The following NDST2 variants were observed in gnomAD, a reference collection of about 807,000 sequenced individuals.
NDST2 encodes the protein N-deacetylase and N-sulfotransferase 2.
NDST2 carries 32 observed loss-of-function variants against 86.9 expected under a neutral mutation model. That is an observed-to-expected ratio of 0.37 (90% CI 0.28 to 0.49). NDST2 has a LOEUF of 0.49. NDST2 is among the 20% of genes least tolerant of loss of function. The pLI, the probability that NDST2 is intolerant of heterozygous loss-of-function variation, is 0.97. For synonymous variants in NDST2, 409 were observed against 437.0 expected (o/e 0.94, Z 0.80); for missense variants, 950 against 1,146.9 (o/e 0.83, Z 2.48).
intron 1 of NDST2, among the ~76,000 whole-genome samples, chr10:73,811,231 C>G (rs2132886832): frequency 6.6e-6 from 1 of 152,204 alleles, no homozygotes; most frequent in African/African-American, 2.4e-5. Flanking sequence ...GCGGCGGCGA[C>G]TCCGGGGTGA....
At chr10:73,804,894 T>G (rs748005512) in intron 8 of NDST2, 25 bp from the exon 9 acceptor site, 9 of 1,412,066 alleles carry the variant, frequency 6.4e-6, no homozygotes, top group Non-Finnish European at 7.8e-6. Context: ...AATAATCAGA[T>G]AAGGCCTATT....
Position 73,808,405 on chromosome 10 carries a change from G to T in NDST2, c.-17C>A. The T allele has an allele frequency of 6.4e-7, 1 of 1,573,480 alleles. No homozygotes were observed. Among genetic ancestry groups the T allele is most frequent in the East Asian group, 2.3e-5 (1 of 43,282 alleles). On this transcript the variant is annotated 5_prime_UTR_variant, in exon 3 of 15. Coordinates refer to ENST00000309979, the MANE Select transcript of NDST2 (RefSeq NM_003635.4). The surrounding 1 kb of genome is among the most constrained non-coding windows in gnomAD (Gnocchi z 4.3). The stretch of plus-strand genomic sequence containing the variant: ...CTGGAGCATGGCGGGGGGAGGAAGG[G>T]AGGGAGGAATGGGGACCACCTCAGG...
At position 73,802,453 on chromosome 10, in the gene NDST2, A is replaced by T. The variant is rs376996752; in HGVS notation, c.2650T>A (p.Ter884ArgextTer27). 1.2e-5 allele frequency: 20 copies of T among 1,612,560 alleles called. No homozygotes were observed. In the African/African-American group the frequency reaches 2.4e-4, roughly 19 times the overall value. Residue 884 changes from the stop codon to arginine, a stop_lost, in exon 15 of 15, where the codon TGA becomes AGA. Transcript: ENST00000309979. ...TGCTGGTATGGGAGGCTGGGACATC[A>T]GCCCAGACTGGAATGCTGCAGTTCT... The part of the protein sequence containing the change: ...REELQHSSLG[*>R]
rs2083996502 is a variant in NDST2 at position 73,802,249 on chromosome 10, T to C, written c.*202A>G. 2 of 618,974 alleles carry C rather than the reference T, an allele frequency of 3.2e-6. No homozygotes were observed. The highest frequency in any genetic ancestry group is 2.8e-6 in the Non-Finnish European group (1 of 354,686). The allele number at this position is 618,974 out of a possible 1,614,324, so 38.3% of individuals were successfully genotyped here. A position where few individuals can be genotyped will look rare whatever the true frequency, so the allele number is the denominator to read the frequency against. ...GGGTCAAAGGTACCTAGCACTATTA[T>C]GTGGGGTACCAAAGGAAGCCCCTTT... On this transcript the variant is annotated 3_prime_UTR_variant, in exon 15 of 15. Transcript: ENST00000309979.
intron 11 of NDST2, 59 bp from the exon 12 acceptor site, chr10:73,803,418 C>CGCTT (rs1386172816): frequency 1.3e-6 from 2 of 1,599,616 alleles, no homozygotes; most frequent in African/African-American, 2.7e-5. Flanking sequence ...TCTGCCCTTA[C>CGCTT]GCTTGGTCTG....
intron 7 of NDST2, 52 bp from the exon 8 acceptor site, chr10:73,805,821 T>TA (rs769090071): frequency 1.2e-6 from 2 of 1,613,210 alleles, no homozygotes. Context: ...CACCTCTGAA[T>TA]TAGCCTTGGT....
Position 73,806,306 on chromosome 10 carries a change from T to G in NDST2, c.1417A>C (p.Ile473Leu). The G allele has an allele frequency of 6.2e-7, 1 of 1,613,954 alleles. No homozygotes were observed. Among genetic ancestry groups the G allele is most frequent in the Non-Finnish European group, 8.5e-7 (1 of 1,179,978 alleles). ...TCCCTCACCATAATGCCATTGTGAA[T>G]GAAGCCACGGCGGTAGCGGGCAGGG... ...LRPARYRRGF[I>L]HNGIMVLPRQ... Residue 473 changes from isoleucine (I) to leucine (L), a missense_variant, in exon 6 of 15, where the codon ATT becomes CTT. Ile to Leu is a conservative substitution (Grantham distance 5). Transcript: ENST00000309979. The surrounding 1 kb of genome is among the most constrained non-coding windows in gnomAD (Gnocchi z 4.5).
At chr10:73,810,270 C>T (rs2084172827) in intron 2 of NDST2, among the ~76,000 whole-genome samples, 1 of 152,042 alleles carries the variant, frequency 6.6e-6, no homozygotes, top group South Asian at 2.1e-4. Flanking sequence ...CCAGCCTGGC[C>T]AACATGGTGA....
intron 9 of NDST2, 61 bp downstream of exon 9, chr10:73,804,712 T>C: frequency 2.0e-6 from 2 of 1,011,994 alleles, no homozygotes; most frequent in Non-Finnish European, 1.5e-6. Context: ...AGAGAGTTCC[T>C]TGACAAAAGG....
intron 10 of NDST2, 68 bp from the exon 11 acceptor site, chr10:73,803,816 T>C: frequency 6.2e-7 from 1 of 1,613,638 alleles, no homozygotes; most frequent in South Asian, 1.1e-5. Context: ...AAGTCTGTGC[T>C]GAGGGAAGCT....
At position 73,804,026 on chromosome 10, in the gene NDST2, A is replaced by G. The variant is rs2084056309; in HGVS notation, c.1844-10T>C. On this transcript the variant is annotated splice_polypyrimidine_tract_variant and intron_variant, in intron 9 of 14. Transcript: ENST00000309979. ...TGAATAGCTGTAGTCCCTAAATGGG[A>G]GAGAAAGACCAGCTTCAGGCAGCCA... 2 of 1,612,384 alleles carry G rather than the reference A, an allele frequency of 1.2e-6. No individual in the cohort carries two copies. Among genetic ancestry groups the G allele is most frequent in the Non-Finnish European group, 8.5e-7 (1 of 1,179,168 alleles).
In NDST2 at chr10:73,805,596, G is replaced by A. The variant is rs766157004; in HGVS notation, c.1737C>T (p.Pro579=). ...TGAGCTCCACCTTTACCTGCCAAAGGGGGCTTCGCTCCTGAGGGAAAAGTT... is the reference window on the plus strand; with the variant it reads ...TGAGCTCCACCTTTACCTGCCAAAGAGGGCTTCGCTCCTGAGGGAAAAGTT... ...YFELFPQERS[P]LWQNPCDDKR... The change falls in exon 8 of 15, where the codon CCC becomes CCT. Residue 579 remains proline, a synonymous_variant. Coordinates refer to ENST00000309979, the MANE Select transcript of NDST2 (RefSeq NM_003635.4). The A allele has an allele frequency of 1.9e-6, 3 of 1,614,058 alleles. No homozygotes were observed. The African/African-American group carries it at 4.0e-5, about 22-fold the overall frequency.
In NDST2 at chr10:73,805,471, G is replaced by A. The variant is rs983293198; in HGVS notation, c.1746+116C>T. ...GGAGGTTGCAATGAGCAGAGATTGT[G>A]CCATTGTACTCTAGCCTGGGTGACA... is the stretch of plus-strand genomic sequence containing the variant. On this transcript the variant is annotated intron_variant, in intron 8 of 14. Transcript: ENST00000309979. 3.1e-6 allele frequency: 3 copies of A among 978,312 alleles called. No homozygotes were observed. In the African/African-American group the frequency reaches 4.9e-5, roughly 16 times the overall value. The allele number at this position is 978,312 out of a possible 1,614,324, so 60.6% of individuals were successfully genotyped here. A position where few individuals can be genotyped will look rare whatever the true frequency, so the allele number is the denominator to read the frequency against.
At chr10:73,802,813 A>G (rs1565094785) in intron 13 of NDST2, 37 bp from the exon 14 acceptor site, 1 of 1,596,732 alleles carries the variant, frequency 6.3e-7, no homozygotes, top group South Asian at 1.1e-5. Flanking sequence ...TGGCAGGGAA[A>G]AGAGAAACTC....
At position 73,808,384 on chromosome 10, in the gene NDST2, A is replaced by G. The variant is rs1274818302; in HGVS notation, c.5T>C (p.Leu2Pro). Residue 2 changes from leucine to proline, a missense_variant, in exon 3 of 15, where the codon CTC becomes CCC. Physicochemically the swap from Leu to Pro is moderately conservative, Grantham distance 98. This residue lies in a region of NDST2 where 38 missense variants were observed against 42.5 expected (regional missense o/e 0.89). Coordinates refer to ENST00000309979, the MANE Select transcript of NDST2 (RefSeq NM_003635.4). This position sits in a 1 kb window ranked among gnomAD's most constrained non-coding sequence, Gnocchi z 4.3. M[L>P]QLWKVVRPAR... is the part of the protein sequence containing the mutation. The stretch of plus-strand genomic sequence containing the variant: ...TGGGCGTACCACCTTCCACAACTGG[A>G]GCATGGCGGGGGGAGGAAGGGAGGG... The G allele has an allele frequency of 1.1e-5, 18 of 1,590,514 alleles. No homozygotes were observed. In the Admixed American group the frequency reaches 2.8e-4, roughly 25 times the overall value.
At position 73,806,395 on chromosome 10, in the gene NDST2, T is replaced by C. The variant is rs760871161; in HGVS notation, c.1328A>G (p.Tyr443Cys). ...GCCCCACACGGATTTCCAGGCCTCA[T>C]AGAGCTGCGTGTGGATGGGGTACAC... ...SGVYPIHTQL[Y>C]EAWKSVWGIQ... Residue 443 changes from tyrosine to cysteine, a missense_variant, in exon 6 of 15, where the codon TAT (tyrosine) becomes TGT (cysteine). By Grantham distance (194) the Tyr-to-Cys change is radical (BLOSUM62 -2). Coordinates refer to ENST00000309979, the MANE Select transcript of NDST2 (RefSeq NM_003635.4). The surrounding 1 kb of genome is among the most constrained non-coding windows in gnomAD (Gnocchi z 4.5). 1.6e-5 allele frequency: 26 copies of C among 1,613,958 alleles called. No individual in the cohort carries two copies. The highest frequency in any genetic ancestry group is 1.9e-5 in the Non-Finnish European group (22 of 1,179,946).
intron 1 of NDST2, 119 bp from the exon 2 acceptor site, chr10:73,811,022 G>C (rs1013152938): frequency 2.3e-5 from 9 of 394,410 alleles, no homozygotes; most frequent in Non-Finnish European, 3.1e-5. Flanking sequence ...CTCTGAGGAC[G>C]GCGAAGCCAG....
chr10:73,805,741 T>C lies in NDST2; in HGVS notation c.1592A>G (p.Asn531Ser). 6.2e-7 allele frequency: 1 copy of C among 1,614,224 alleles called. No homozygotes were observed. The highest frequency in any genetic ancestry group is 8.5e-7 in the Non-Finnish European group (1 of 1,180,048). The change falls in exon 8 of 15, where the codon AAT (asparagine) becomes AGT (serine). Residue 531 changes from asparagine to serine, a missense_variant. Around this residue, in one of 5 missense-constraint regions of NDST2, gnomAD observed 586 missense variants for 714.0 expected, o/e 0.82. Coordinates refer to ENST00000309979, the MANE Select transcript of NDST2 (RefSeq NM_003635.4). ...PISIFMTHLSNYGNDRLGLYT... is the reference protein window; with the variant it reads ...PISIFMTHLSSYGNDRLGLYT... ...TAGGCCCAGCCGGTCATTTCCATAA[T>C]TGGACAGATGGGTCATAAAGATGCT...
At chr10:73,809,281 G>A (rs918766528) in intron 2 of NDST2, among the ~76,000 whole-genome samples, 23 of 152,216 alleles carry the variant, frequency 1.5e-4, no homozygotes, top group African/African-American at 5.3e-4. Context: ...GGACACTATG[G>A]TGGGGGAGTT....
Sources: gnomAD v4.1 joint callset for allele counts (sites outside exome capture counted in the v4.1 genomes callset) on GRCh38, gnomAD v4.1.1 for gene constraint, gnomAD v4.1.1 regional missense constraint, Gnocchi (gnomAD v3.1) non-coding constraint, MANE v1.5 for transcripts, NCBI Gene and HGNC (gene_info 2026-07-23, HGNC 2026-07-21) for gene names.